RUNX1: variants seen among roughly 807,000 people sequenced by gnomAD.
The protein encoded by RUNX1 is runt-related transcription factor 1.
In RUNX1, 19 loss-of-function variants were observed where a neutral mutation model predicts 42.8. The observed-to-expected ratio is 0.44, with a 90% CI of 0.31 to 0.65. The LOEUF (loss-of-function observed/expected upper bound fraction) is 0.65. Among genes scored for constraint, RUNX1 ranks in the 30% least tolerant of loss-of-function variants. The probability of loss-of-function intolerance (pLI) is 0.07; values close to 1 mark genes in which losing one functional copy is unlikely to be tolerated. For synonymous variants in RUNX1, 271 were observed against 289.4 expected, an observed-to-expected ratio of 0.94 and a Z score of 0.64; for missense variants, 528 against 672.0, an observed-to-expected ratio of 0.79 and a Z score of 2.37.
chr21:34,930,719 TCACA>T (rs67114485), intron 2 of RUNX1, among the ~76,000 whole-genome samples: 19,227 of 140,270 alleles, frequency 0.14, 2,276 homozygotes, highest in African/African-American at 0.33. Flanking sequence ...TCTCTCTCTC[TCACA>T]CACACACACA....
chr21:34,974,463 C>T (rs937243377), intron 2 of RUNX1, among the ~76,000 whole-genome samples: 6 of 151,676 alleles, frequency 4.0e-5, no homozygotes, highest in Admixed American at 1.3e-4. Flanking sequence ...TGTGGTTCAG[C>T]CAAGTTTTGA....
chr21:34,876,561 A>G (rs1286398488), intron 5 of RUNX1, among the ~76,000 whole-genome samples: 1 of 152,068 alleles, frequency 6.6e-6, no homozygotes, highest in Non-Finnish European at 1.5e-5. Flanking sequence ...GTAAGTGAAC[A>G]CGTGCATTTT....
chr21:34,969,150 C>T (rs2058741916), intron 2 of RUNX1, among the ~76,000 whole-genome samples: 1 of 152,142 alleles, frequency 6.6e-6, no homozygotes, highest in East Asian at 1.9e-4. Flanking sequence ...CGATGAATTC[C>T]TTTTACATCA....
At chr21:34,858,783 C>CT (rs2057529604) in intron 6 of RUNX1, among the ~76,000 whole-genome samples, 1 of 152,142 alleles carries the variant, frequency 6.6e-6, no homozygotes, top group Admixed American at 6.5e-5. Flanking sequence ...TGGAAAAGAG[C>CT]GTTACTCTGG....
rs2057278533 is a variant in RUNX1, at chr21:34,843,838, C to T, written c.614-9237G>A. 6.6e-6 allele frequency among the ~76,000 whole-genome samples: 1 copy of T among 152,190 alleles called. No individual in the cohort carries two copies. The highest frequency in any genetic ancestry group is 6.5e-5 in the Admixed American group (1 of 15,284). On this transcript the variant is annotated intron_variant, in intron 6 of 8. Transcript: ENST00000675419. The surrounding 1 kb of genome is among the most constrained non-coding windows in gnomAD (Gnocchi z 4.8). ...GCAGAGCACTCAAAATCTAAATCTG[C>T]CATCCCCGGTCGCCAGGGCTCACTG...
chr21:34,799,974 T>A (rs1431001526), intron 7 of RUNX1, among the ~76,000 whole-genome samples: 1 of 152,152 alleles, frequency 6.6e-6, no homozygotes, highest in Non-Finnish European at 1.5e-5. Context: ...GGTAAATGTT[T>A]TATAGTAAGG....
rs762247645 is a variant in RUNX1 at position 34,834,604 on chromosome 21, A to G, written c.614-3T>C. ...ATCATCTAGTTTCTGCCGATGTCCTATTGTGGGGAGCAGGGAGGGGAGGGG... is the reference window on the plus strand; with the variant it reads ...ATCATCTAGTTTCTGCCGATGTCCTGTTGTGGGGAGCAGGGAGGGGAGGGG... On this transcript the variant is annotated splice_region_variant and splice_polypyrimidine_tract_variant and intron_variant, in intron 6 of 8. Coordinates refer to ENST00000675419, the MANE Select transcript of RUNX1 (RefSeq NM_001754.5). 2.8e-5 allele frequency: 31 copies of G among 1,098,160 alleles called. No homozygotes were observed. Among genetic ancestry groups the G allele is most frequent in the African/African-American group, 4.9e-5 (3 of 61,232 alleles). 68.0% of individuals were successfully genotyped at this position (1,098,160 alleles called of 1,614,324 possible).
chr21:34,997,133 G>A (rs1215049827), intron 2 of RUNX1, among the ~76,000 whole-genome samples: 1 of 152,198 alleles, frequency 6.6e-6, no homozygotes, highest in Non-Finnish European at 1.5e-5. Context: ...TATGTGATGG[G>A]CTTAAATTGC....
chr21:35,042,901 C>T (rs957866564), intron 2 of RUNX1, among the ~76,000 whole-genome samples: 6 of 152,164 alleles, frequency 3.9e-5, no homozygotes, highest in East Asian at 3.9e-4. Flanking sequence ...CGTCATGTTT[C>T]GGATTTAGTG....
At chr21:34,965,577 G>A (rs2058713032) in intron 2 of RUNX1, among the ~76,000 whole-genome samples, 2 of 152,068 alleles carry the variant, frequency 1.3e-5, no homozygotes, top group South Asian at 4.2e-4. Context: ...AAATAAAAAG[G>A]ATGTTTGGAG....
intron 2 of RUNX1, among the ~76,000 whole-genome samples, chr21:35,012,532 G>C (rs548159124): frequency 2.6e-5 from 4 of 152,234 alleles, no homozygotes; most frequent in Admixed American, 2.6e-4. Flanking sequence ...GACTTGAATG[G>C]TATCCACTTT....
At chr21:34,889,625 C>T in intron 3 of RUNX1, 2 of 1,078,628 alleles carry the variant, frequency 1.9e-6, no homozygotes, top group Non-Finnish European at 1.1e-6. Flanking sequence ...AAGCGGCCCC[C>T]GCTCCTCTCC....
intron 2 of RUNX1, among the ~76,000 whole-genome samples, chr21:34,995,273 C>T (rs2058985231): frequency 6.6e-6 from 1 of 152,018 alleles, no homozygotes. Flanking sequence ...AAGGGTGGAA[C>T]TTAATGAGCT....
chr21:34,921,795 C>G (rs191798966), intron 2 of RUNX1, among the ~76,000 whole-genome samples: 3 of 152,006 alleles, frequency 2.0e-5, no homozygotes, highest in Non-Finnish European at 4.4e-5. Context: ...CCATACCTGG[C>G]GAATTTTTTT....
intron 2 of RUNX1, among the ~76,000 whole-genome samples, chr21:34,925,031 A>G (rs1272754105): frequency 1.3e-5 from 2 of 151,466 alleles, no homozygotes; most frequent in Non-Finnish European, 2.9e-5. Context: ...ATGGGGTGTT[A>G]GGGCTTCAAC....
chr21:34,879,265 T>C (rs1480235193), intron 5 of RUNX1, among the ~76,000 whole-genome samples: 2 of 152,246 alleles, frequency 1.3e-5, no homozygotes, highest in Admixed American at 6.5e-5. Flanking sequence ...GCATCACTCA[T>C]GCTTTCAAAA....
rs2146507501 is a variant in RUNX1, at chr21:34,907,181, A to T, written c.59-14218T>A. Among the ~76,000 whole-genome samples the T allele has an allele frequency of 6.6e-6, 1 of 152,364 alleles. No homozygotes were observed. Among genetic ancestry groups the T allele is most frequent in the South Asian group, 2.1e-4 (1 of 4,830 alleles). On this transcript the variant is annotated intron_variant, in intron 2 of 8. Transcript: ENST00000675419. The surrounding 1 kb of genome is among the most constrained non-coding windows in gnomAD (Gnocchi z 5.3). ...TGTACAGTCTTTGGGGGCTCTTGAC[A>T]GCAAGAAAACCTAAACAGGAGAATC...
At chr21:34,938,227 CAGG>C (rs2058500935) in intron 2 of RUNX1, among the ~76,000 whole-genome samples, 1 of 152,080 alleles carries the variant, frequency 6.6e-6, no homozygotes, top group African/African-American at 2.4e-5. Context: ...GTTATCTTCC[CAGG>C]AGAAGTAAAA....
rs1476051141 is a variant in RUNX1, at chr21:34,799,340, T to A, written c.928A>T (p.Met310Leu). Residue 310 changes from methionine to leucine, a missense_variant, in exon 8 of 9, where the codon ATG becomes TTG. Met to Leu is a conservative substitution (Grantham distance 15, BLOSUM62 2). Transcript: ENST00000675419. ...TPISPGRASG[M>L]TTLSAELSSR... is the part of the protein sequence containing the mutation. ...GAAAGTTCTGCAGAGAGGGTTGTCA[T>A]GCCGCTGGCACGTCCAGGTGAAATG... The A allele has an allele frequency of 1.2e-6, 2 of 1,614,226 alleles. No homozygotes were observed. Among genetic ancestry groups the A allele is most frequent in the Admixed American group, 1.7e-5 (1 of 60,020 alleles).
Sources: gnomAD v4.1 joint callset for allele counts (sites outside exome capture counted in the v4.1 genomes callset) on GRCh38, gnomAD v4.1.1 for gene constraint, Gnocchi (gnomAD v3.1) non-coding constraint, MANE v1.5 for transcripts, NCBI Gene and HGNC (gene_info 2026-07-23, HGNC 2026-07-21) for gene names.